Variants in RYR3 observed in about 807,000 individuals in gnomAD.
RYR3 encodes the protein brain ryanodine receptor-calcium release channel.
Under a neutral mutation model 584.3 loss-of-function variants are expected in RYR3, and 207 were observed. The observed-to-expected ratio is 0.35, with a 90% CI of 0.32 to 0.40. RYR3 has a LOEUF of 0.40. RYR3 is among the 10% of genes least tolerant of loss of function. RYR3 has a pLI of 1.00. For missense variants in RYR3, 5,616 were observed against 6,089.2 expected (o/e 0.92, Z 2.59); for synonymous variants, 2,416 against 2,248.5 (o/e 1.07, Z -2.11).
At chr15:33,842,844 A>C (rs374065489) in intron 91 of RYR3, among the ~76,000 whole-genome samples, 1 of 152,214 alleles carries the variant, frequency 6.6e-6, no homozygotes, top group Non-Finnish European at 1.5e-5. Flanking sequence ...ACGAAAATGC[A>C]GTCACACAGC....
chr15:33,311,494 C>T lies in RYR3; in HGVS notation c.51+398C>T, dbSNP rs1967274095. The stretch of plus-strand genomic sequence containing the variant: ...GTCGGCCCTCTGACACCTCCATACT[C>T]CACCCCAGCCCCATTCCTCTTCCAG... On this transcript the variant is annotated intron_variant, in intron 1 of 103. Coordinates refer to ENST00000634891, the MANE Select transcript of RYR3 (RefSeq NM_001036.6). The surrounding 1 kb of genome is among the most constrained non-coding windows in gnomAD (Gnocchi z 4.4). 2.0e-5 allele frequency among the ~76,000 whole-genome samples: 3 copies of T among 152,210 alleles called. No individual in the cohort carries two copies. In the South Asian group the frequency reaches 6.2e-4, roughly 31 times the overall value.
intron 69 of RYR3, among the ~76,000 whole-genome samples, chr15:33,805,996 G>C (rs1254711771): frequency 1.4e-5 from 2 of 143,856 alleles, no homozygotes; most frequent in Admixed American, 1.5e-4. Flanking sequence ...CTTCCCTCCT[G>C]CCCTCCTTCT....
At position 33,739,959 on chromosome 15, in the gene RYR3, A is replaced by G; in HGVS notation, c.7784A>G (p.Asp2595Gly). ...GAGAAACAGATCTCAGTGGATGCGG[A>G]TGGCAACTTTGACCCAAAACCTATT... ...TLEKQISVDA[D>G]GNFDPKPINT... The change falls in exon 51 of 104, where the codon GAT (aspartate) becomes GGT (glycine). Residue 2595 changes from aspartate to glycine, a missense_variant. Coordinates refer to ENST00000634891, the MANE Select transcript of RYR3 (RefSeq NM_001036.6). 1 of 1,613,950 alleles carries G rather than the reference A, an allele frequency of 6.2e-7. No homozygotes were observed. The highest frequency in any genetic ancestry group is 8.5e-7 in the Non-Finnish European group (1 of 1,179,886).
chr15:33,589,865 C>T (rs2059039595), intron 16 of RYR3, among the ~76,000 whole-genome samples: 1 of 152,138 alleles, frequency 6.6e-6, no homozygotes, highest in Admixed American at 6.5e-5. Context: ...CTTACTATAG[C>T]CTTGTAGTAT....
chr15:33,662,872 C>G lies in RYR3; in HGVS notation c.5342C>G (p.Ala1781Gly). Residue 1781 changes from alanine (A) to glycine (G), a missense_variant, in exon 35 of 104, where the codon GCT (alanine) becomes GGT (glycine). Transcript: ENST00000634891. ...CAGGTGGAGGAGAAGGCTGTGGAGGCTGGGGAGAAGGCCGGCAAGGAGGCT... is the reference window on the plus strand; with the variant it reads ...CAGGTGGAGGAGAAGGCTGTGGAGGGTGGGGAGAAGGCCGGCAAGGAGGCT... ...VTQVEEKAVE[A>G]GEKAGKEAPV... 6.2e-7 allele frequency: 1 copy of G among 1,613,670 alleles called. No homozygotes were observed. Among genetic ancestry groups the G allele is most frequent in the Non-Finnish European group, 8.5e-7 (1 of 1,179,870 alleles).
intron 1 of RYR3, among the ~76,000 whole-genome samples, chr15:33,332,383 G>A (rs1218156128): frequency 6.6e-6 from 1 of 152,008 alleles, no homozygotes; most frequent in Non-Finnish European, 1.5e-5. Context: ...TGTTTAATGG[G>A]AAATGTTAAC....
intron 1 of RYR3, among the ~76,000 whole-genome samples, chr15:33,352,981 C>T (rs917695902): frequency 6.6e-6 from 1 of 151,418 alleles, no homozygotes; most frequent in African/African-American, 2.4e-5. Flanking sequence ...CATGAGCTCT[C>T]CTTTTGAAAG....
At position 33,788,303 on chromosome 15, in the gene RYR3, G is replaced by T; in HGVS notation, c.9675G>T (p.Lys3225Asn). 6.2e-7 allele frequency: 1 copy of T among 1,614,010 alleles called. No individual in the cohort carries two copies. The highest frequency in any genetic ancestry group is 1.1e-5 in the South Asian group (1 of 91,084). ...CAACTCTGGAGAAGCTGAAGAAAAA[G>T]GCTGTCAAGACGGTGCAGGAGGAGG... Reference protein sequence around the residue: ...FIPTLEKLKKKAVKTVQEEEQ... With the variant: ...FIPTLEKLKKNAVKTVQEEEQ... Residue 3225 changes from lysine to asparagine, a missense_variant, in exon 67 of 104, where the codon AAG becomes AAT. By Grantham distance (94) the Lys-to-Asn change is moderately conservative (BLOSUM62 0). This residue lies in a region of RYR3 where 954 missense variants were observed against 1,132.2 expected (regional missense o/e 0.84). Transcript: ENST00000634891.
At chr15:33,812,538 C>A (rs7172414) in intron 72 of RYR3, among the ~76,000 whole-genome samples, 1 of 151,594 alleles carries the variant, frequency 6.6e-6, no homozygotes, top group African/African-American at 2.4e-5. Flanking sequence ...AATTAAAAAC[C>A]TAATAAATGG....
intron 32 of RYR3, 85 bp downstream of exon 32, chr15:33,652,968 C>T: frequency 2.2e-6 from 3 of 1,380,928 alleles, no homozygotes; most frequent in South Asian, 1.5e-5. Flanking sequence ...ACTCAGCATT[C>T]CTGCCACAGT....
At chr15:33,346,396 CCTT>C (rs1362030900) in intron 1 of RYR3, among the ~76,000 whole-genome samples, 2 of 152,318 alleles carry the variant, frequency 1.3e-5, no homozygotes, top group African/African-American at 4.8e-5. Context: ...ATTCTCTTCT[CCTT>C]ATTATTTACC....
At chr15:33,767,562 A>G (rs2073201000) in intron 60 of RYR3, among the ~76,000 whole-genome samples, 1 of 152,130 alleles carries the variant, frequency 6.6e-6, no homozygotes, top group Non-Finnish European at 1.5e-5. Flanking sequence ...TTTCATCCCC[A>G]TCAACACTCA....
intron 85 of RYR3, among the ~76,000 whole-genome samples, chr15:33,830,637 A>G (rs1011457155): frequency 1.3e-5 from 2 of 152,188 alleles, no homozygotes; most frequent in Non-Finnish European, 2.9e-5. Context: ...AATATTAGCT[A>G]TTATGTTGTT....
Position 33,695,996 on chromosome 15 carries a change from T to G in RYR3, c.5861-222T>G, listed in dbSNP as rs1348908650. On this transcript the variant is annotated intron_variant, in intron 38 of 103. Coordinates refer to ENST00000634891, the MANE Select transcript of RYR3 (RefSeq NM_001036.6). ...TTTTGGTAGCAACAGGGTCTCGCTTTGTGGCCCAGGCTGGTCTCAAACTGC... is the reference window on the plus strand; with the variant it reads ...TTTTGGTAGCAACAGGGTCTCGCTTGGTGGCCCAGGCTGGTCTCAAACTGC... Among the ~76,000 whole-genome samples, 7 of 146,470 alleles carry G rather than the reference T, an allele frequency of 4.8e-5. No homozygotes were observed. The East Asian group carries it at 1.4e-3, about 30-fold the overall frequency.
chr15:33,758,073 A>G (rs938995150), intron 60 of RYR3, among the ~76,000 whole-genome samples: 1 of 152,192 alleles, frequency 6.6e-6, no homozygotes, highest in African/African-American at 2.4e-5. Flanking sequence ...AAGGGAAGTC[A>G]TGAGGGACTG....
chr15:33,664,587 G>GTATGTATATATATATATATATATATA (rs879709155), intron 36 of RYR3, among the ~76,000 whole-genome samples: 1 of 42,624 alleles, frequency 2.3e-5, no homozygotes, highest in African/African-American at 7.4e-5. Flanking sequence ...GTGTGTGTGT[G>GTATGTATATATATATATATATATATA]TGTATATATA....
Position 33,865,326 on chromosome 15 carries a change from C to T in RYR3, c.*100C>T. Reference sequence around the variant, plus strand: ...CAACATATCTGAAATGTGACATTTTCTAAATGCCTCCCTTAAAAAAAAAAC... The same window carrying T: ...CAACATATCTGAAATGTGACATTTTTTAAATGCCTCCCTTAAAAAAAAAAC... On this transcript the variant is annotated 3_prime_UTR_variant, in exon 104 of 104. Coordinates refer to ENST00000634891, the MANE Select transcript of RYR3 (RefSeq NM_001036.6). 2.5e-6 allele frequency: 2 copies of T among 797,484 alleles called. No homozygotes were observed. The highest frequency in any genetic ancestry group is 1.9e-5 in the South Asian group (1 of 53,932). The allele number at this position is 797,484 out of a possible 1,614,324, so 49.4% of individuals were successfully genotyped here.
chr15:33,864,866 G>T (rs1045773485), intron 103 of RYR3: 2 of 417,042 alleles, frequency 4.8e-6, no homozygotes, highest in Admixed American at 8.0e-5. Context: ...AGTATGTTTA[G>T]TGGCAAACAT....
intron 2 of RYR3, among the ~76,000 whole-genome samples, chr15:33,490,363 A>C (rs16971712): frequency 0.018 from 2,721 of 152,278 alleles, 23 homozygotes; most frequent in South Asian, 0.046. Context: ...TTCTTCTTGG[A>C]GCATTTTCAT....
Sources: gnomAD v4.1 joint callset for allele counts (sites outside exome capture counted in the v4.1 genomes callset) on GRCh38, gnomAD v4.1.1 for gene constraint, gnomAD v4.1.1 regional missense constraint, Gnocchi (gnomAD v3.1) non-coding constraint, MANE v1.5 for transcripts, NCBI Gene and HGNC (gene_info 2026-07-23, HGNC 2026-07-21) for gene names.